MAST3: variants seen among roughly 807,000 people sequenced by gnomAD.
MAST3 encodes microtubule-associated serine/threonine-protein kinase 3.
Under a neutral mutation model 127.0 loss-of-function variants are expected in MAST3, and 43 were observed. That is an observed-to-expected ratio of 0.34 (90% confidence interval 0.27 to 0.44). The LOEUF (loss-of-function observed/expected upper bound fraction) is 0.44. Ranked by LOEUF, MAST3 falls within the 20% of genes least tolerant of loss-of-function variation. MAST3 has a pLI of 1.00. For synonymous variants in MAST3, 785 were observed against 809.2 expected (o/e 0.97, Z 0.51); for missense variants, 1,390 against 1,919.1 (o/e 0.72, Z 5.15).
chr19:18,149,437 G>A lies in MAST3; in HGVS notation c.3755G>A (p.Arg1252Gln), dbSNP rs765735075. 1.1e-5 allele frequency: 16 copies of A among 1,516,770 alleles called. No individual in the cohort carries two copies. Among genetic ancestry groups the A allele is most frequent in the Admixed American group, 4.3e-5 (2 of 46,882 alleles). 94.0% of individuals were successfully genotyped at this position (1,516,770 alleles called of 1,614,324 possible). A position where few individuals can be genotyped will look rare whatever the true frequency, so the allele number is the denominator to read the frequency against. The change falls in exon 28 of 28, where the codon CGA (arginine) becomes CAA (glutamine). Residue 1252 changes from arginine (R) to glutamine (Q), a missense_variant. Physicochemically the swap from Arg to Gln is conservative, Grantham distance 43. Coordinates refer to ENST00000687212, the MANE Select transcript of MAST3 (RefSeq NM_001393504.1). The surrounding 1 kb of genome is among the most constrained non-coding windows in gnomAD (Gnocchi z 5.9). The part of the protein sequence containing the change: ...PLPGHPPAPA[R>Q]SPRLRRGQSA... ...CCCGGGCACCCGCCCGCACCTGCCC[G>A]ATCCCCGCGGCTGCGCCGGGGCCAG... is the stretch of plus-strand genomic sequence containing the variant.
chr19:18,108,895 C>A (rs1458612517), intron 2 of MAST3, among the ~76,000 whole-genome samples: 1 of 152,008 alleles, frequency 6.6e-6, no homozygotes, highest in African/African-American at 2.4e-5. Flanking sequence ...GTACACTGGG[C>A]CCTGCTGAAG....
chr19:18,099,297 G>A (rs2037337509), intron 1 of MAST3, among the ~76,000 whole-genome samples: 1 of 150,158 alleles, frequency 6.7e-6, no homozygotes, highest in Non-Finnish European at 1.5e-5. Flanking sequence ...TGGAGGCGCT[G>A]AGGCCAGAGG....
intron 1 of MAST3, 49 bp downstream of exon 1, chr19:18,097,880 G>A: frequency 8.2e-7 from 1 of 1,220,872 alleles, no homozygotes; most frequent in African/African-American, 1.6e-5. Flanking sequence ...CGGCCAAGTG[G>A]ACGCGGCCTG....
intron 15 of MAST3, among the ~76,000 whole-genome samples, 177 bp downstream of exon 15, chr19:18,132,224 G>T (rs2041387351): frequency 6.6e-6 from 1 of 152,194 alleles, no homozygotes; most frequent in Non-Finnish European, 1.5e-5. Context: ...TGAGCGCATG[G>T]TGAACATCTT....
At chr19:18,123,513 T>C in intron 7 of MAST3, 67 bp from the exon 8 acceptor site, 1 of 1,466,900 alleles carries the variant, frequency 6.8e-7, no homozygotes, top group Non-Finnish European at 9.1e-7. Flanking sequence ...CTGGCTCAGA[T>C]CCCCCAACAT....
chr19:18,123,494 C>T, intron 7 of MAST3, 86 bp from the exon 8 acceptor site: 1 of 1,467,210 alleles, frequency 6.8e-7, no homozygotes, highest in South Asian at 1.4e-5. Context: ...TGATTCTTGT[C>T]CCTCAACCCT....
In MAST3 at chr19:18,145,391, G is replaced by C. The variant is rs2042921736; in HGVS notation, c.3039+162G>C. ...CTGTCATTTGGCAGGGAGGAGGTCA[G>C]ATGAGAGAGACAAGGATGGATGGAT... On this transcript the variant is annotated intron_variant, in intron 24 of 27. Transcript: ENST00000687212. This position sits in a 1 kb window ranked among gnomAD's most constrained non-coding sequence, Gnocchi z 5.9. Among the ~76,000 whole-genome samples the C allele has an allele frequency of 6.6e-6, 1 of 152,190 alleles. No individual in the cohort carries two copies. The highest frequency in any genetic ancestry group is 2.4e-5 in the African/African-American group (1 of 41,440).
intron 14 of MAST3, 76 bp downstream of exon 14, chr19:18,130,778 C>CTCAACTTGGTCTAA: frequency 7.1e-7 from 1 of 1,407,086 alleles, no homozygotes; most frequent in Non-Finnish European, 9.8e-7. Context: ...ATTTTTAGAC[C>CTCAACTTGGTCTAA]AAGTTGAGGT....
rs1212240887 is a variant in MAST3, at chr19:18,149,430, C to T, written c.3748C>T (p.Pro1250Ser). Residue 1250 changes from proline (P) to serine (S), a missense_variant, in exon 28 of 28, where the codon CCT becomes TCT. Around this residue, in one of 5 missense-constraint regions of MAST3, gnomAD observed 816 missense variants for 934.1 expected, o/e 0.87. Transcript: ENST00000687212. This position sits in a 1 kb window ranked among gnomAD's most constrained non-coding sequence, Gnocchi z 5.9. ...PSPLPGHPPAPARSPRLRRGQ... is the reference protein window; with the variant it reads ...PSPLPGHPPASARSPRLRRGQ... ...GCCCCTGCCCGGGCACCCGCCCGCACCTGCCCGATCCCCGCGGCTGCGCCG... is the reference window on the plus strand; with the variant it reads ...GCCCCTGCCCGGGCACCCGCCCGCATCTGCCCGATCCCCGCGGCTGCGCCG... The T allele has an allele frequency of 6.6e-7, 1 of 1,508,834 alleles. No individual in the cohort carries two copies. The highest frequency in any genetic ancestry group is 8.8e-7 in the Non-Finnish European group (1 of 1,133,270). 93.5% of individuals were successfully genotyped at this position (1,508,834 alleles called of 1,614,324 possible). A position where few individuals can be genotyped will look rare whatever the true frequency, so the allele number is the denominator to read the frequency against.
intron 19 of MAST3, 21 bp downstream of exon 19, chr19:18,137,382 AG>A (rs749074984): frequency 6.9e-6 from 11 of 1,604,748 alleles, no homozygotes; most frequent in African/African-American, 1.3e-5. Flanking sequence ...ATCCCCCTGG[AG>A]GGGGGGCGGG....
In MAST3 at chr19:18,147,529, T is replaced by A. The variant is rs777342770; in HGVS notation, c.3413T>A (p.Leu1138Gln). ...RSFSSGLHHS[L>Q]SSSESLPGSP... ...TTCTCCTCCGGACTCCACCACTCAC[T>A]GTCATCCAGTGAGAGCCTCCCCGGC... The change falls in exon 27 of 28, where the codon CTG becomes CAG. Residue 1138 changes from leucine to glutamine, a missense_variant. Coordinates refer to ENST00000687212, the MANE Select transcript of MAST3 (RefSeq NM_001393504.1). 5 of 1,610,230 alleles carry A rather than the reference T, an allele frequency of 3.1e-6. No individual in the cohort carries two copies. The highest frequency in any genetic ancestry group is 4.2e-6 in the Non-Finnish European group (5 of 1,178,356).
rs2040977939 is a variant in MAST3 at position 18,129,101 on chromosome 19, G to A, written c.1223+150G>A. 5.8e-6 allele frequency: 4 copies of A among 684,246 alleles called. No homozygotes were observed. The Admixed American group carries it at 9.7e-5, about 17-fold the overall frequency. 42.4% of individuals were successfully genotyped at this position (684,246 alleles called of 1,614,324 possible). On this transcript the variant is annotated intron_variant, in intron 13 of 27. Transcript: ENST00000687212. The stretch of plus-strand genomic sequence containing the variant: ...AGAAGGCACCTGAGGACTGGAGGGG[G>A]AAGTGGAGACACGCCATAGCGAGGT...
Position 18,110,052 on chromosome 19 carries a change from G to A in MAST3, c.72-600G>A, listed in dbSNP as rs2038407371. ...TCGGCGTCCCTGCGGCAGACAGGGC[G>A]GCACCCGCGGCTCCCCTTTCCCGCT... On this transcript the variant is annotated intron_variant, in intron 2 of 27. Coordinates refer to ENST00000687212, the MANE Select transcript of MAST3 (RefSeq NM_001393504.1). This position sits in a 1 kb window ranked among gnomAD's most constrained non-coding sequence, Gnocchi z 4.3. The A allele has an allele frequency of 5.1e-6, 5 of 985,210 alleles. No individual in the cohort carries two copies. The highest frequency in any genetic ancestry group is 4.7e-5 in the South Asian group (1 of 21,296). 61.0% of individuals were successfully genotyped at this position (985,210 alleles called of 1,614,324 possible).
intron 11 of MAST3, among the ~76,000 whole-genome samples, chr19:18,126,974 G>T (rs2040717553): frequency 6.6e-6 from 1 of 151,224 alleles, no homozygotes; most frequent in Admixed American, 6.6e-5. Flanking sequence ...TAGAGGCGGG[G>T]TTTCACTGTG....
At chr19:18,118,698 C>A (rs1372480000) in intron 3 of MAST3, among the ~76,000 whole-genome samples, 1 of 152,148 alleles carries the variant, frequency 6.6e-6, no homozygotes, top group Non-Finnish European at 1.5e-5. Context: ...GGTTAACCCC[C>A]GCCAAAGCCT....
rs909131104 is a variant in MAST3, at chr19:18,099,308, C to G, written c.39+1477C>G. ...GAACTGGAGGCGCTGAGGCCAGAGG[C>G]AAGAGTGGGGGACTTGGGCGGAAAG... On this transcript the variant is annotated intron_variant, in intron 1 of 27. Coordinates refer to ENST00000687212, the MANE Select transcript of MAST3 (RefSeq NM_001393504.1). Among the ~76,000 whole-genome samples, 11 of 110,698 alleles carry G rather than the reference C, an allele frequency of 9.9e-5. No homozygotes were observed. The Admixed American group carries it at 1.3e-3, about 13-fold the overall frequency. 72.6% of individuals were successfully genotyped at this position (110,698 alleles called of 152,430 possible).
At position 18,145,324 on chromosome 19, in the gene MAST3, GT is replaced by G; in HGVS notation, c.3039+97del. The G allele has an allele frequency of 8.1e-7, 1 of 1,240,706 alleles. No homozygotes were observed. The highest frequency in any genetic ancestry group is 1.2e-6 in the Non-Finnish European group (1 of 856,434). The allele number at this position is 1,240,706 out of a possible 1,614,324, so 76.9% of individuals were successfully genotyped here. Reference sequence around the variant, plus strand: ...GAGCTGCATTTTGGAGCCTGGCAGGGTTAGGTAGATAGAGCTGGTGCCACCG... The same window carrying G: ...GAGCTGCATTTTGGAGCCTGGCAGGGTAGGTAGATAGAGCTGGTGCCACCG... On this transcript the variant is annotated intron_variant, in intron 24 of 27. Coordinates refer to ENST00000687212, the MANE Select transcript of MAST3 (RefSeq NM_001393504.1). The surrounding 1 kb of genome is among the most constrained non-coding windows in gnomAD (Gnocchi z 5.9).
intron 11 of MAST3, 128 bp from the exon 12 acceptor site, chr19:18,128,272 T>G: frequency 7.5e-6 from 5 of 664,306 alleles, no homozygotes; most frequent in South Asian, 1.8e-5. Context: ...GACAGTGTCA[T>G]GAGAGCTGGT....
intron 20 of MAST3, among the ~76,000 whole-genome samples, chr19:18,141,036 C>T (rs546571265): frequency 1.3e-5 from 2 of 152,228 alleles, no homozygotes; most frequent in East Asian, 1.9e-4. Flanking sequence ...TCAAGCGATC[C>T]GCCTGCCTCA....
Sources: gnomAD v4.1 joint callset for allele counts (sites outside exome capture counted in the v4.1 genomes callset) on GRCh38, gnomAD v4.1.1 for gene constraint, gnomAD v4.1.1 regional missense constraint, Gnocchi (gnomAD v3.1) non-coding constraint, MANE v1.5 for transcripts, NCBI Gene and HGNC (gene_info 2026-07-23, HGNC 2026-07-21) for gene names.